The following CADPS variants were observed in gnomAD, a reference collection of about 807,000 sequenced individuals.
The protein encoded by CADPS is calcium-dependent secretion activator 1.
CADPS carries 57 observed loss-of-function variants against 167.3 expected under a neutral mutation model. The observed-to-expected ratio is 0.34, with a 90% confidence interval of 0.28 to 0.42. The LOEUF (loss-of-function observed/expected upper bound fraction) is 0.42, where lower values mean the gene tolerates loss of function less well. Ranked by LOEUF, CADPS falls within the 20% of genes least tolerant of loss-of-function variation. The pLI is 1.00. For synonymous variants in CADPS, 676 were observed against 635.3 expected (o/e 1.06, Z -0.96); for missense variants, 1,414 against 1,738.1 (o/e 0.81, Z 3.32).
chr3:62,422,218 C>T (rs1407574661), intron 28 of CADPS, among the ~76,000 whole-genome samples: 3 of 152,180 alleles, frequency 2.0e-5, no homozygotes, highest in African/African-American at 7.2e-5. Context: ...TGATGGTGTT[C>T]AGAAACCACA....
chr3:62,580,911 C>G (rs557840719), intron 8 of CADPS, among the ~76,000 whole-genome samples: 1 of 152,182 alleles, frequency 6.6e-6, no homozygotes, highest in African/African-American at 2.4e-5. Flanking sequence ...GATATTTGGA[C>G]TACAACCTTA....
chr3:62,571,193 C>T (rs833664), intron 8 of CADPS, among the ~76,000 whole-genome samples: 134,824 of 152,192 alleles, frequency 0.89, 60,662 homozygotes, highest in East Asian at 0.98. Flanking sequence ...GAAAATGTGA[C>T]GCTGCAACTT....
At chr3:62,589,422 A>C (rs2085424315) in intron 7 of CADPS, among the ~76,000 whole-genome samples, 1 of 152,246 alleles carries the variant, frequency 6.6e-6, no homozygotes. Flanking sequence ...AGAATGAACC[A>C]TTATGAAATG....
At chr3:62,631,059 C>T (rs931156642) in intron 6 of CADPS, among the ~76,000 whole-genome samples, 2 of 151,776 alleles carry the variant, frequency 1.3e-5, no homozygotes, top group Non-Finnish European at 2.9e-5. Context: ...TGAAAAGAGA[C>T]TTCTTTCCTC....
chr3:62,789,119 TA>T (rs1175696459), intron 1 of CADPS, among the ~76,000 whole-genome samples: 1 of 152,216 alleles, frequency 6.6e-6, no homozygotes, highest in Non-Finnish European at 1.5e-5. Context: ...TGTGGCAACA[TA>T]AAACTGACAC....
At chr3:62,814,406 T>C (rs1053485368) in intron 1 of CADPS, 1 of 152,154 alleles carries the variant, frequency 6.6e-6, no homozygotes, top group Non-Finnish European at 1.5e-5. Context: ...GGGCAGCACA[T>C]ATACTAAAAT....
At chr3:62,707,764 T>C (rs896279905) in intron 3 of CADPS, among the ~76,000 whole-genome samples, 2 of 152,170 alleles carry the variant, frequency 1.3e-5, no homozygotes, top group African/African-American at 4.8e-5. Context: ...AAGTAATATT[T>C]TAGATATGTT....
intron 13 of CADPS, among the ~76,000 whole-genome samples, chr3:62,524,066 T>G (rs563272745): frequency 3.9e-5 from 6 of 152,352 alleles, no homozygotes; most frequent in African/African-American, 1.4e-4. Context: ...AAACATCCTC[T>G]TTTAACCACT....
chr3:62,809,086 C>A (rs925514036), intron 1 of CADPS, among the ~76,000 whole-genome samples: 1 of 152,176 alleles, frequency 6.6e-6, no homozygotes, highest in Non-Finnish European at 1.5e-5. Context: ...GATCCTACTA[C>A]CTCTGTACAT....
In CADPS at chr3:62,399,542, G is replaced by A. The variant is rs763926479; in HGVS notation, c.3926C>T (p.Thr1309Ile). 2 of 1,614,102 alleles carry A rather than the reference G, an allele frequency of 1.2e-6. No individual in the cohort carries two copies. The highest frequency in any genetic ancestry group is 1.7e-5 in the Admixed American group (1 of 60,018). The change falls in exon 30 of 30, where the codon ACC (threonine) becomes ATC (isoleucine). Residue 1309 changes from threonine (T) to isoleucine (I), a missense_variant. Transcript: ENST00000383710. This position sits in a 1 kb window ranked among gnomAD's most constrained non-coding sequence, Gnocchi z 5.6. ...DFRLQGVLDS[T>I]LNSKTYETIR... The stretch of plus-strand genomic sequence containing the variant: ...CGTTTCATAGGTCTTGCTGTTTAAG[G>A]TGGAGTCCAGGACCCCTTGCAATCG...
At chr3:62,457,248 T>C (rs564448368) in intron 26 of CADPS, among the ~76,000 whole-genome samples, 174 of 152,342 alleles carry the variant, frequency 1.1e-3, no homozygotes, top group Non-Finnish European at 1.8e-3. Flanking sequence ...GTAGGTCTTA[T>C]TGTTCCCATT....
intron 1 of CADPS, among the ~76,000 whole-genome samples, chr3:62,845,631 G>C (rs1186577580): frequency 6.6e-6 from 1 of 152,062 alleles, no homozygotes; most frequent in Non-Finnish European, 1.5e-5. Context: ...TGAAGGTTTT[G>C]GCATGTGATT....
chr3:62,481,271 T>C (rs1173210509), intron 22 of CADPS, among the ~76,000 whole-genome samples: 2 of 152,238 alleles, frequency 1.3e-5, no homozygotes, highest in Non-Finnish European at 2.9e-5. Flanking sequence ...TGCTTTATGG[T>C]TTAAACATTC....
chr3:62,704,189 C>T (rs1320506016), intron 3 of CADPS, among the ~76,000 whole-genome samples: 1 of 152,136 alleles, frequency 6.6e-6, no homozygotes, highest in Admixed American at 6.5e-5. Flanking sequence ...CAGATAATTA[C>T]ACTTGTGTTG....
chr3:62,510,126 T>TCTAC (rs1253526716), intron 17 of CADPS, among the ~76,000 whole-genome samples: 1 of 152,008 alleles, frequency 6.6e-6, no homozygotes, highest in African/African-American at 2.4e-5. Context: ...CACCCACCTA[T>TCTAC]CTACCTACTC....
chr3:62,733,726 G>A (rs944764377), intron 3 of CADPS, among the ~76,000 whole-genome samples: 3 of 152,070 alleles, frequency 2.0e-5, no homozygotes, highest in Non-Finnish European at 2.9e-5. Flanking sequence ...TTGAGGAAAA[G>A]GTGGTTTTTG....
At chr3:62,729,900 C>T (rs533139749) in intron 3 of CADPS, among the ~76,000 whole-genome samples, 1 of 151,816 alleles carries the variant, frequency 6.6e-6, no homozygotes, top group Non-Finnish European at 1.5e-5. Flanking sequence ...CTCAGCTCTC[C>T]TTGTATTGAG....
chr3:62,690,741 C>T (rs1027135537), intron 3 of CADPS, among the ~76,000 whole-genome samples: 7 of 151,838 alleles, frequency 4.6e-5, no homozygotes, highest in Non-Finnish European at 8.8e-5. Flanking sequence ...AGAGAACCCA[C>T]CTGCCTACTC....
At chr3:62,761,160 C>A (rs982946282) in intron 2 of CADPS, among the ~76,000 whole-genome samples, 4 of 152,136 alleles carry the variant, frequency 2.6e-5, no homozygotes, top group African/African-American at 9.7e-5. Flanking sequence ...TGAAGCTTAG[C>A]TGTTTCTTCT....
Sources: gnomAD v4.1 joint callset for allele counts (sites outside exome capture counted in the v4.1 genomes callset) on GRCh38, gnomAD v4.1.1 for gene constraint, Gnocchi (gnomAD v3.1) non-coding constraint, MANE v1.5 for transcripts, NCBI Gene and HGNC (gene_info 2026-07-23, HGNC 2026-07-21) for gene names.